The following U2AF2 variants were observed in gnomAD, a reference collection of about 807,000 sequenced individuals.
The protein encoded by U2AF2 is U2 small nuclear RNA auxiliary factor 2.
In U2AF2, 6 loss-of-function variants were observed where a neutral mutation model predicts 52.6. The ratio of observed to expected loss-of-function variants is 0.11; its 90% CI spans 0.06 to 0.23. U2AF2 has a LOEUF of 0.23. Ranked by LOEUF, U2AF2 falls within the 10% of genes least tolerant of loss-of-function variation. The pLI, the probability that U2AF2 is intolerant of heterozygous loss-of-function variation, is 1.00. For synonymous variants in U2AF2, 284 were observed against 258.2 expected, an observed-to-expected ratio of 1.10 and a Z score of -0.96; for missense variants, 222 against 677.1, an observed-to-expected ratio of 0.33 and a Z score of 7.46.
chr19:55,657,450 C>T (rs1983867728), intron 1 of U2AF2, among the ~76,000 whole-genome samples: 1 of 152,168 alleles, frequency 6.6e-6, no homozygotes, highest in Non-Finnish European at 1.5e-5. Context: ...AGGGAATTTC[C>T]TTGTCTATAT....
chr19:55,670,635 G>A (rs981451683), intron 11 of U2AF2: 9 of 242,298 alleles, frequency 3.7e-5, no homozygotes, highest in Admixed American at 3.7e-4. Context: ...GGGTGGTCAA[G>A]GTCAAGAGGT....
At chr19:55,667,946 C>T (rs1467634638) in intron 7 of U2AF2, among the ~76,000 whole-genome samples, 1 of 152,096 alleles carries the variant, frequency 6.6e-6, no homozygotes, top group African/African-American at 2.4e-5. Context: ...CTACCACAGC[C>T]CGCTAATTTT....
chr19:55,658,840 A>T (rs1380525934), intron 1 of U2AF2: 1 of 196,092 alleles, frequency 5.1e-6, no homozygotes, highest in Admixed American at 6.1e-5. Flanking sequence ...GGAAAACATC[A>T]TTGGGTCTCT....
chr19:55,674,515 T>A lies in U2AF2; in HGVS notation c.*447T>A, dbSNP rs941194361. The A allele has an allele frequency of 2.5e-5, 4 of 161,176 alleles. No homozygotes were observed. Among genetic ancestry groups the A allele is most frequent in the Non-Finnish European group, 5.5e-5 (4 of 72,382 alleles). 10.0% of individuals were successfully genotyped at this position (161,176 alleles called of 1,614,324 possible). On this transcript the variant is annotated 3_prime_UTR_variant, in exon 12 of 12. Coordinates refer to ENST00000308924, the MANE Select transcript of U2AF2 (RefSeq NM_007279.3). ...GCCCTCAGTGCCCTGCCCTCTCCCT[T>A]ACCAGGACCACAGCTCTGTTCCTTC... is the stretch of plus-strand genomic sequence containing the variant.
At chr19:55,656,378 G>A (rs1357287599) in intron 1 of U2AF2, among the ~76,000 whole-genome samples, 1 of 152,146 alleles carries the variant, frequency 6.6e-6, no homozygotes, top group Non-Finnish European at 1.5e-5. Context: ...GTTTACTGAG[G>A]GTCTGACTCT....
intron 1 of U2AF2, among the ~76,000 whole-genome samples, chr19:55,658,201 C>T (rs921743744): frequency 6.6e-6 from 1 of 152,126 alleles, no homozygotes; most frequent in Non-Finnish European, 1.5e-5. Context: ...AGCACCTTAA[C>T]GTGTGCATCT....
chr19:55,672,150 C>G (rs1984961497), intron 11 of U2AF2: 1 of 151,278 alleles, frequency 6.6e-6, no homozygotes, highest in Non-Finnish European at 1.5e-5. Context: ...AAAAAAATTA[C>G]TGCATTGTAT....
rs781250989 is a variant in U2AF2 at position 55,663,588 on chromosome 19, C to G, written c.604-18C>G. On this transcript the variant is annotated intron_variant, in intron 6 of 11. Coordinates refer to ENST00000308924, the MANE Select transcript of U2AF2 (RefSeq NM_007279.3). ...TCCCTGACCCCCATCCCTCACCACT[C>G]CTTTCTCTTTCATTCAGTTCCGCTC... The G allele has an allele frequency of 3.2e-5, 52 of 1,612,064 alleles. No homozygotes were observed. The highest frequency in any genetic ancestry group is 4.2e-5 in the Non-Finnish European group (49 of 1,178,532).
rs545920750 is a variant in U2AF2 at position 55,662,202 on chromosome 19, A to G, written c.487-300A>G. On this transcript the variant is annotated intron_variant, in intron 5 of 11. Transcript: ENST00000308924. Reference sequence around the variant, plus strand: ...CATCATGCCCTCTGCCTTTTCTTGAACAATCTTCTCCTTTCCCCTGATTTT... The same window carrying G: ...CATCATGCCCTCTGCCTTTTCTTGAGCAATCTTCTCCTTTCCCCTGATTTT... 5.4e-5 allele frequency: 16 copies of G among 293,706 alleles called. No homozygotes were observed. In the East Asian group the frequency reaches 9.2e-4, roughly 17 times the overall value. The allele number at this position is 293,706 out of a possible 1,614,324, so 18.2% of individuals were successfully genotyped here.
intron 7 of U2AF2, among the ~76,000 whole-genome samples, chr19:55,665,952 T>TG (rs1346046757): frequency 3.3e-5 from 5 of 152,364 alleles, no homozygotes; most frequent in Non-Finnish European, 7.3e-5. Flanking sequence ...CACTGCCTGT[T>TG]TTTGTAAGTA....
At chr19:55,663,036 T>C (rs1256268566) in intron 6 of U2AF2, among the ~76,000 whole-genome samples, 1 of 152,164 alleles carries the variant, frequency 6.6e-6, no homozygotes, top group Admixed American at 6.6e-5. Flanking sequence ...GTGTCTGTGT[T>C]TCTCAACTGT....
intron 4 of U2AF2, 150 bp downstream of exon 4, chr19:55,660,769 A>C: frequency 1.1e-6 from 1 of 884,736 alleles, no homozygotes. Flanking sequence ...TGCGCTTTTG[A>C]AGCCTCCCTA....
intron 1 of U2AF2, among the ~76,000 whole-genome samples, chr19:55,656,247 A>T (rs924353118): frequency 6.6e-6 from 1 of 152,256 alleles, no homozygotes; most frequent in Non-Finnish European, 1.5e-5. Flanking sequence ...TTCAGGCTTC[A>T]GCTGCCCATG....
chr19:55,655,049 G>C lies in U2AF2; in HGVS notation c.-56G>C. The C allele has an allele frequency of 1.3e-6, 2 of 1,598,542 alleles. No individual in the cohort carries two copies. Among genetic ancestry groups the C allele is most frequent in the South Asian group, 1.1e-5 (1 of 90,098 alleles). ...GCGGCGGAAGTAGCCGAAGCGGCTG[G>C]AGCGGGCGGCAAGGCGAGGCGAAAG... On this transcript the variant is annotated 5_prime_UTR_variant, in exon 1 of 12. Coordinates refer to ENST00000308924, the MANE Select transcript of U2AF2 (RefSeq NM_007279.3).
chr19:55,659,077 C>T (rs1439269726), intron 1 of U2AF2, 133 bp from the exon 2 acceptor site: 2 of 1,319,138 alleles, frequency 1.5e-6, no homozygotes, highest in Non-Finnish European at 9.8e-7. Context: ...TGTTAATTCC[C>T]TTCCTCCATT....
intron 5 of U2AF2, among the ~76,000 whole-genome samples, chr19:55,661,499 GACACACACACAC>G (rs59262812): frequency 0.013 from 1,922 of 145,170 alleles, 17 homozygotes; most frequent in Non-Finnish European, 0.017. Flanking sequence ...GGGAGACTTG[GACACACACACAC>G]ACACACACAC....
At chr19:55,667,474 G>A (rs1286483194) in intron 7 of U2AF2, among the ~76,000 whole-genome samples, 2 of 152,176 alleles carry the variant, frequency 1.3e-5, no homozygotes, top group African/African-American at 4.8e-5. Flanking sequence ...GGGGTCTCAG[G>A]TTGAATCATC....
At chr19:55,662,223 A>G in intron 5 of U2AF2, 1 of 346,974 alleles carries the variant, frequency 2.9e-6, no homozygotes, top group Non-Finnish European at 5.3e-6. Flanking sequence ...CTTTCCCCTG[A>G]TTTTTTGGGG....
chr19:55,661,483 C>G (rs1984190529), intron 5 of U2AF2, among the ~76,000 whole-genome samples: 1 of 138,232 alleles, frequency 7.2e-6, no homozygotes, highest in Admixed American at 7.5e-5. Flanking sequence ...CGGAGAGAGA[C>G]AGAGAGGGAG....
Sources: allele counts gnomAD v4.1 joint callset (sites outside exome capture counted in the v4.1 genomes callset), GRCh38; gene constraint gnomAD v4.1.1; transcripts MANE v1.5; gene names NCBI Gene and HGNC (gene_info 2026-07-23, HGNC 2026-07-21).